TTN: variants seen among roughly 807,000 people sequenced by gnomAD.
The protein encoded by TTN is titin.
Under a neutral mutation model 3,223.0 loss-of-function variants are expected in TTN, and 1,525 were observed. That is an observed-to-expected ratio of 0.47 (90% CI 0.45 to 0.49). The LOEUF is 0.49. TTN is among the 20% of genes least tolerant of loss of function. The pLI is 0.00. For missense variants in TTN, 40,786 were observed against 43,424.0 expected (o/e 0.94, Z 5.40); for synonymous variants, 14,094 against 15,161.0 (o/e 0.93, Z 5.17).
chr2:178,676,199 T>C, intron 147 of TTN: 1 of 515,284 alleles, frequency 1.9e-6, no homozygotes. Context: ...AGAGGACAGA[T>C]GCTATTAGGG....
At chr2:178,727,564 A>T (rs2079574007) in intron 68 of TTN, 21 bp downstream of exon 68, 1 of 1,542,518 alleles carries the variant, frequency 6.5e-7, no homozygotes, top group East Asian at 2.3e-5. Flanking sequence ...ACAGAAACAT[A>T]AAGGAATCAA....
At chr2:178,749,157 G>A (rs187413078) in intron 47 of TTN, 2 of 1,612,286 alleles carry the variant, frequency 1.2e-6, no homozygotes, top group African/African-American at 1.3e-5. Context: ...TAGTCACTTT[G>A]GGCACATTCT....
rs746618179 is a variant in TTN, at chr2:178,574,640, C to A, written c.71492G>T (p.Gly23831Val). ...GGTAACTGCAGTTACCTGAGGGGTA[C>A]CAGGAGGTCCAGGAACCTTAAATGG... The part of the protein sequence containing the change: ...NYPFKVPGPP[G>V]TPQVTAVTKD... The change falls in exon 326 of 363, where the codon GGT (glycine) becomes GTT (valine). Residue 23831 changes from glycine to valine, a missense_variant. Gly to Val is a moderately radical substitution (Grantham distance 109). Coordinates refer to ENST00000589042, the MANE Select transcript of TTN (RefSeq NM_001267550.2). The A allele has an allele frequency of 1.9e-6, 3 of 1,612,818 alleles. No individual in the cohort carries two copies. The highest frequency in any genetic ancestry group is 1.7e-6 in the Non-Finnish European group (2 of 1,179,324).
Position 178,729,551 on chromosome 2 carries a change from A to T in TTN, c.18605T>A (p.Ile6202Asn). 6.2e-7 allele frequency: 1 copy of T among 1,612,784 alleles called. No homozygotes were observed. Among genetic ancestry groups the T allele is most frequent in the Non-Finnish European group, 8.5e-7 (1 of 1,179,144 alleles). Residue 6202 changes from isoleucine (I) to asparagine (N), a missense_variant, in exon 64 of 363, where the codon ATC becomes AAC. Transcript: ENST00000589042. ...TACCTCCACAGGCTTCAGCTCTCTG[A>T]TAAAGGTGGGGGGTTCTAAAGATTC... ...ELKVKEPPTF[I>N]RELKPVEVVK... is the part of the protein sequence containing the mutation.
At chr2:178,623,169 C>T (rs1244332193) in intron 242 of TTN, among the ~76,000 whole-genome samples, 2 of 151,882 alleles carry the variant, frequency 1.3e-5, no homozygotes, top group Non-Finnish European at 2.9e-5. Flanking sequence ...TTAGCACAAT[C>T]TTTGAGAAAT....
chr2:178,746,161 C>CTTAA (rs2083493143), intron 47 of TTN: 2 of 1,613,296 alleles, frequency 1.2e-6, no homozygotes, highest in Non-Finnish European at 8.5e-7. Context: ...ATTCTTTATA[C>CTTAA]CACTTAACTT....
chr2:178,728,718 G>T lies in TTN; in HGVS notation c.19208C>A (p.Thr6403Asn), dbSNP rs764889206. The T allele has an allele frequency of 5.6e-6, 9 of 1,611,466 alleles. No homozygotes were observed. The highest frequency in any genetic ancestry group is 5.9e-6 in the Non-Finnish European group (7 of 1,177,884). ...SVDVTEKDPM[T>N]LECVVAGTPE... The stretch of plus-strand genomic sequence containing the variant: ...TGTTCCAGCCACAACACATTCCAAG[G>T]TCATGGGATCTTTCTCCGTAACATC... The change falls in exon 66 of 363, where the codon ACC (threonine) becomes AAC (asparagine). Residue 6403 changes from threonine to asparagine, a missense_variant. Thr to Asn is a moderately conservative substitution (Grantham distance 65). Coordinates refer to ENST00000589042, the MANE Select transcript of TTN (RefSeq NM_001267550.2).
rs751909040 is a variant in TTN at position 178,727,743 on chromosome 2, A to T, written c.19835T>A (p.Val6612Glu). ...ACATTTAGGACCTGAGACAAGTTCC[A>T]CATCATCCTTAAACCATTTTATTTT... ...PFKIKWFKDD[V>E]ELVSGPKCFI... is the part of the protein sequence containing the mutation. Residue 6612 changes from valine (V) to glutamate (E), a missense_variant, in exon 68 of 363, where the codon GTG becomes GAG. Val to Glu is a moderately radical substitution (Grantham distance 121). Transcript: ENST00000589042. 1.2e-6 allele frequency: 2 copies of T among 1,613,400 alleles called. No individual in the cohort carries two copies. The highest frequency in any genetic ancestry group is 1.1e-5 in the South Asian group (1 of 91,050).
chr2:178,686,959 T>G (rs1247673083), intron 127 of TTN, among the ~76,000 whole-genome samples: 2 of 152,174 alleles, frequency 1.3e-5, no homozygotes, highest in Non-Finnish European at 2.9e-5. Context: ...TCTACCAGCT[T>G]CCTGACTTAT....
Position 178,590,741 on chromosome 2 carries a change from C to G in TTN, c.60984G>C (p.Leu20328=). 6.2e-7 allele frequency: 1 copy of G among 1,611,488 alleles called. No individual in the cohort carries two copies. Among genetic ancestry groups the G allele is most frequent in the Non-Finnish European group, 8.5e-7 (1 of 1,178,422 alleles). Residue 20328 remains leucine (L), a synonymous_variant, in exon 304 of 363, where the codon CTG becomes CTC. Coordinates refer to ENST00000589042, the MANE Select transcript of TTN (RefSeq NM_001267550.2). ...CATAGAGTCCAGTCACTCTGAACTT[C>G]AGGTCAGCGATAGGTGTTTTGTTGA... ...VRVNKTPIAD[L]KFRVTGLYEG... is the part of the protein sequence containing the mutation.
rs1574324059 is a variant in TTN, at chr2:178,753,269, T to C, written c.11255-89A>G. Reference sequence around the variant, plus strand: ...CATGACTTGTATGATTAAAGTTTTCTTTTTATTATAACAACAGAAAACTAC... The same window carrying C: ...CATGACTTGTATGATTAAAGTTTTCCTTTTATTATAACAACAGAAAACTAC... On this transcript the variant is annotated intron_variant, in intron 46 of 362. Coordinates refer to ENST00000589042, the MANE Select transcript of TTN (RefSeq NM_001267550.2). 20 of 1,091,876 alleles carry C rather than the reference T, an allele frequency of 1.8e-5. No homozygotes were observed. The East Asian group carries it at 5.1e-4, about 28-fold the overall frequency. The allele number at this position is 1,091,876 out of a possible 1,614,324, so 67.6% of individuals were successfully genotyped here.
Position 178,730,731 on chromosome 2 carries a change from A to G in TTN, c.17802T>C (p.Ser5934=). 6.2e-7 allele frequency: 1 copy of G among 1,613,384 alleles called. No individual in the cohort carries two copies. The change falls in exon 61 of 363, where the codon TCT becomes TCC. Residue 5934 remains serine (S), a synonymous_variant. Transcript: ENST00000589042. ...CCACTATACATTCTAAATCAATGAA[A>G]GAACCTTTAATGCTGTCCATTTTCT... The part of the protein sequence containing the change: ...KLKKMDSIKG[S]FIDLECIVAG...
rs759939453 is a variant in TTN, at chr2:178,634,693, AC to A, written c.42151+29del. On this transcript the variant is annotated intron_variant, in intron 229 of 362. Coordinates refer to ENST00000589042, the MANE Select transcript of TTN (RefSeq NM_001267550.2). The surrounding 1 kb of genome is among the most constrained non-coding windows in gnomAD (Gnocchi z 4.6). ...CACAGGGAAGTGAAATAAAGTTGAG[AC>A]CCCTCCCCAAATTCTAAAAGCCCCA... 2 of 1,611,998 alleles carry A rather than the reference AC, an allele frequency of 1.2e-6. No individual in the cohort carries two copies. Among genetic ancestry groups the A allele is most frequent in the South Asian group, 2.2e-5 (2 of 90,736 alleles).
At chr2:178,749,344 A>C (rs771599480) in intron 47 of TTN, 2 of 1,612,926 alleles carry the variant, frequency 1.2e-6, no homozygotes, top group East Asian at 2.2e-5. Context: ...GTATGAATTC[A>C]GCCCTGATGG....
rs1574640739 is a variant in TTN, at chr2:178,775,133, G to T, written c.6578C>A (p.Thr2193Asn). The change falls in exon 29 of 363, where the codon ACC (threonine) becomes AAC (asparagine). Residue 2193 changes from threonine to asparagine, a missense_variant. By Grantham distance (65) the Thr-to-Asn change is moderately conservative (BLOSUM62 0). Coordinates refer to ENST00000589042, the MANE Select transcript of TTN (RefSeq NM_001267550.2). ...TGGTTCTGAAGTTTCACATTCAAAG[G>T]TTGCCATAGTGTCTTTTTCCTTAGC... ...VVAKEKDTMATFECETSEPFV... is the reference protein window; with the variant it reads ...VVAKEKDTMANFECETSEPFV... The T allele has an allele frequency of 1.9e-6, 3 of 1,613,948 alleles. No individual in the cohort carries two copies. Among genetic ancestry groups the T allele is most frequent in the Non-Finnish European group, 2.5e-6 (3 of 1,179,968 alleles).
intron 217 of TTN, chr2:178,645,636 T>C (rs772584324): frequency 4.4e-6 from 1 of 226,344 alleles, no homozygotes; most frequent in Non-Finnish European, 8.6e-6. Flanking sequence ...GAAAACTCTT[T>C]CTCCCCACTC....
Position 178,698,927 on chromosome 2 carries a change from A to G in TTN, c.30683-13T>C, listed in dbSNP as rs1560474425. 13 of 1,494,582 alleles carry G rather than the reference A, an allele frequency of 8.7e-6. No individual in the cohort carries two copies. The East Asian group carries it at 1.5e-4, about 17-fold the overall frequency. 92.6% of individuals were successfully genotyped at this position (1,494,582 alleles called of 1,614,324 possible). On this transcript the variant is annotated splice_polypyrimidine_tract_variant and intron_variant, in intron 111 of 362. Transcript: ENST00000589042. ...GCCTTTTTGGTAACTAAAAAAAAAA[A>G]AAAAGAAAAAAAAAGAAAAAATATT...
At position 178,731,807 on chromosome 2, in the gene TTN, G is replaced by A; in HGVS notation, c.17068C>T (p.His5690Tyr). Reference sequence around the variant, plus strand: ...TTGAGGATCTGCAGGCTAACCAGATGATCCTGAATGAAAGTCTTATACTTT... The same window carrying A: ...TTGAGGATCTGCAGGCTAACCAGATAATCCTGAATGAAAGTCTTATACTTT... ...GRKYKTFIQD[H>Y]LVSLQILKFV... is the part of the protein sequence containing the mutation. The change falls in exon 58 of 363, where the codon CAT (histidine) becomes TAT (tyrosine). Residue 5690 changes from histidine (H) to tyrosine (Y), a missense_variant. By Grantham distance (83) the His-to-Tyr change is moderately conservative. Transcript: ENST00000589042. 1.2e-6 allele frequency: 2 copies of A among 1,613,790 alleles called. No homozygotes were observed. The highest frequency in any genetic ancestry group is 1.7e-6 in the Non-Finnish European group (2 of 1,179,764).
rs1702996133 is a variant in TTN, at chr2:178,559,868, T to G, written c.86264A>C (p.Asp28755Ala). 2 of 1,612,484 alleles carry G rather than the reference T, an allele frequency of 1.2e-6. No individual in the cohort carries two copies. The highest frequency in any genetic ancestry group is 1.7e-6 in the Non-Finnish European group (2 of 1,179,756). Reference sequence around the variant, plus strand: ...GGTCTTCCTCATTTCACTGTCAATATCAAATAAAGGTTCTTCTTCTCTTTC... The same window carrying G: ...GGTCTTCCTCATTTCACTGTCAATAGCAAATAAAGGTTCTTCTTCTCTTTC... ...AKEREEEPLF[D>A]IDSEMRKTLI... is the part of the protein sequence containing the mutation. The change falls in exon 326 of 363, where the codon GAT becomes GCT. Residue 28755 changes from aspartate to alanine, a missense_variant. Coordinates refer to ENST00000589042, the MANE Select transcript of TTN (RefSeq NM_001267550.2).
Sources: gnomAD v4.1 joint callset for allele counts (sites outside exome capture counted in the v4.1 genomes callset) on GRCh38, gnomAD v4.1.1 for gene constraint, Gnocchi (gnomAD v3.1) non-coding constraint, MANE v1.5 for transcripts, NCBI Gene and HGNC (gene_info 2026-07-23, HGNC 2026-07-21) for gene names.